TGM2: variants seen among roughly 807,000 people sequenced by gnomAD.
TGM2 encodes transglutaminase 2.
Under a neutral mutation model 75.6 loss-of-function variants are expected in TGM2, and 53 were observed. That is an observed-to-expected ratio of 0.70 (90% confidence interval 0.56 to 0.88). TGM2 has a LOEUF of 0.88. Among genes scored for constraint, TGM2 ranks in the 40% least tolerant of loss-of-function variants. The pLI is 0.00. For synonymous variants in TGM2, 374 were observed against 381.1 expected (o/e 0.98, Z 0.22); for missense variants, 842 against 928.5 (o/e 0.91, Z 1.21).
chr20:38,153,207 G>A (rs2075135550), intron 3 of TGM2, among the ~76,000 whole-genome samples: 1 of 152,172 alleles, frequency 6.6e-6, no homozygotes, highest in Admixed American at 6.5e-5. Flanking sequence ...GCAAGAAACA[G>A]GACACTCAAC....
chr20:38,139,672 G>A lies in TGM2; in HGVS notation c.1100-18C>T. 1 of 1,613,912 alleles carries A rather than the reference G, an allele frequency of 6.2e-7. No individual in the cohort carries two copies. The highest frequency in any genetic ancestry group is 8.5e-7 in the Non-Finnish European group (1 of 1,179,964). On this transcript the variant is annotated intron_variant, in intron 8 of 12. Coordinates refer to ENST00000361475, the MANE Select transcript of TGM2 (RefSeq NM_004613.4). The stretch of plus-strand genomic sequence containing the variant: ...GTACGTCCCTGGCAGAGGTAGAAAG[G>A]GGAAGGGATGGGCCTGGGTGAAGGT...
In TGM2 at chr20:38,139,587, A is replaced by G. The variant is rs377055359; in HGVS notation, c.1167T>C (p.Asp389=). 9 of 1,614,190 alleles carry G rather than the reference A, an allele frequency of 5.6e-6. No homozygotes were observed. The highest frequency in any genetic ancestry group is 2.2e-5 in the East Asian group (1 of 44,888). Residue 389 remains aspartate (D), a synonymous_variant, in exon 9 of 13, where the codon GAT becomes GAC. Transcript: ENST00000361475. The part of the protein sequence containing the change: ...IKEGDLSTKY[D]APFVFAEVNA... ...TGACCTCCGCAAAGACAAAGGGCGC[A>G]TCGTACTTGGTGCTCAGGTCGCCCT...
intron 6 of TGM2, among the ~76,000 whole-genome samples, chr20:38,144,633 C>A (rs990410392): frequency 6.6e-6 from 1 of 152,158 alleles, no homozygotes; most frequent in Non-Finnish European, 1.5e-5. Context: ...TCACCATTGT[C>A]TCCATTTTAT....
intron 11 of TGM2, among the ~76,000 whole-genome samples, chr20:38,132,088 T>C (rs2074840719): frequency 6.6e-6 from 1 of 152,000 alleles, no homozygotes; most frequent in South Asian, 2.1e-4. Context: ...GAAGGATTCA[T>C]GACTCTAAGA....
At chr20:38,165,158 G>A (rs999226512) in intron 1 of TGM2, 31 bp downstream of exon 1, 26 of 1,613,292 alleles carry the variant, frequency 1.6e-5, no homozygotes, top group Non-Finnish European at 2.2e-5. Flanking sequence ...CGGGGCCCCT[G>A]AGTGGCGGCT....
At chr20:38,131,294 CT>C in intron 11 of TGM2, 65 bp from the exon 12 acceptor site, 10 of 1,607,728 alleles carry the variant, frequency 6.2e-6, no homozygotes, top group Non-Finnish European at 8.5e-6. Context: ...TCTGCATTCA[CT>C]GCAATTTGGC....
chr20:38,146,453 T>G (rs1163287665), intron 6 of TGM2: 1 of 551,396 alleles, frequency 1.8e-6, no homozygotes, highest in East Asian at 3.2e-5. Flanking sequence ...CCTGAGTTTT[T>G]GAGAACGTGG....
At chr20:38,149,882 T>C (rs2075097027) in intron 4 of TGM2, among the ~76,000 whole-genome samples, 1 of 152,092 alleles carries the variant, frequency 6.6e-6, no homozygotes, top group Admixed American at 6.5e-5. Context: ...GTTTTGCAAT[T>C]ATCATCATGA....
At chr20:38,131,349 A>ACCCCCCCCCC (rs111895659) in intron 11 of TGM2, 120 bp from the exon 12 acceptor site, 1 of 1,312,810 alleles carries the variant, frequency 7.6e-7, no homozygotes, top group Non-Finnish European at 1.0e-6. Context: ...TGCCACGATC[A>ACCCCCCCCCC]CCCCCCCTCC....
At chr20:38,132,790 C>T (rs2074852078) in intron 10 of TGM2, 1 of 517,326 alleles carries the variant, frequency 1.9e-6, no homozygotes, top group Non-Finnish European at 3.7e-6. Context: ...ACTCCACCTC[C>T]CAGGTCCTCG....
intron 1 of TGM2, among the ~76,000 whole-genome samples, chr20:38,162,691 T>C (rs2075268040): frequency 1.3e-5 from 2 of 152,210 alleles, no homozygotes; most frequent in South Asian, 2.1e-4. Context: ...AAAGAATTTT[T>C]GTTAATTTGT....
At chr20:38,167,285 A>T (rs928335390), upstream of TGM2, among the ~76,000 whole-genome samples, 10 of 151,956 alleles carry the variant, frequency 6.6e-5, no homozygotes, top group African/African-American at 2.2e-4. Context: ...TCTACCAGGT[A>T]TTTTTTCCTT....
chr20:38,143,471 G>A (rs888936868), intron 6 of TGM2, among the ~76,000 whole-genome samples: 1 of 152,176 alleles, frequency 6.6e-6, no homozygotes, highest in African/African-American at 2.4e-5. Flanking sequence ...ACCTGCCAAC[G>A]CCCTGTTTGC....
Position 38,141,359 on chromosome 20 carries a change from C to T in TGM2, c.1022G>A (p.Trp341Ter), listed in dbSNP as rs773825655. Residue 341 changes from tryptophan to a stop codon, truncating the protein, a stop_gained, in exon 8 of 13, where the codon TGG becomes TAG. Coordinates refer to ENST00000361475, the MANE Select transcript of TGM2 (RefSeq NM_004613.4). LOFTEE classifies it high-confidence loss of function. ...CGGCTGCAGGTCCGGCCTGGTCATC[C>T]ACGACTCCACCCAGCAGTGGAAGTT... Reference protein sequence around the residue: ...IWNFHCWVESWMTRPDLQPGY... With the variant: ...IWNFHCWVES The T allele has an allele frequency of 6.3e-7, 1 of 1,587,342 alleles. No homozygotes were observed. Among genetic ancestry groups the T allele is most frequent in the Admixed American group, 1.8e-5 (1 of 56,096 alleles).
rs377170051 is a variant in TGM2 at position 38,131,100 on chromosome 20, C to T, written c.1906G>A (p.Val636Met). 7.4e-6 allele frequency: 12 copies of T among 1,612,370 alleles called. No individual in the cohort carries two copies. In the African/African-American group the frequency reaches 1.1e-4, roughly 14 times the overall value. Residue 636 changes from valine to methionine, a missense_variant, in exon 12 of 13, where the codon GTG becomes ATG. By Grantham distance (21) the Val-to-Met change is conservative (BLOSUM62 1). Coordinates refer to ENST00000361475, the MANE Select transcript of TGM2 (RefSeq NM_004613.4). ...AGAGCAGCCAGCACTTACATCTCCA[C>T]CGTCTTCTGCTCCTCAGTCAGGCCG... ...GAGLTEEQKT[V>M]EIPDPVEAGE... is the part of the protein sequence containing the mutation.
chr20:38,146,692 A>G (rs764919239), intron 6 of TGM2, 25 bp downstream of exon 6: 1 of 1,612,612 alleles, frequency 6.2e-7, no homozygotes, highest in Non-Finnish European at 8.5e-7. Context: ...AGGGCTCATG[A>G]CCCACATCCC....
At chr20:38,140,363 A>G (rs2074956584) in intron 8 of TGM2, among the ~76,000 whole-genome samples, 1 of 152,240 alleles carries the variant, frequency 6.6e-6, no homozygotes, top group East Asian at 1.9e-4. Context: ...CCAATGCTTT[A>G]TCCAGAAGTG....
At position 38,161,560 on chromosome 20, in the gene TGM2, T is replaced by C. The variant is rs1248506223; in HGVS notation, c.50A>G (p.Asn17Ser). 13 of 1,614,164 alleles carry C rather than the reference T, an allele frequency of 8.1e-6. No individual in the cohort carries two copies. Among genetic ancestry groups the C allele is most frequent in the Non-Finnish European group, 1.1e-5 (13 of 1,180,024 alleles). Residue 17 changes from asparagine (N) to serine (S), a missense_variant, in exon 2 of 13, where the codon AAT (asparagine) becomes AGT (serine). Physicochemically the swap from Asn to Ser is conservative, Grantham distance 46. Coordinates refer to ENST00000361475, the MANE Select transcript of TGM2 (RefSeq NM_004613.4). ...LERCDLELET[N>S]GRDHHTADLC... ...GTCGGCCGTGTGGTGGTCTCGGCCATTGGTCTCCAGCTCCAGATCACACCT... is the reference window on the plus strand; with the variant it reads ...GTCGGCCGTGTGGTGGTCTCGGCCACTGGTCTCCAGCTCCAGATCACACCT...
intron 10 of TGM2, chr20:38,132,781 C>A: frequency 1.9e-6 from 1 of 531,070 alleles, no homozygotes; most frequent in Non-Finnish European, 3.6e-6. Context: ...GCGTGAGCCA[C>A]TCCACCTCCC....
Sources: allele counts gnomAD v4.1 joint callset (sites outside exome capture counted in the v4.1 genomes callset), GRCh38; gene constraint gnomAD v4.1.1; transcripts MANE v1.5; gene names NCBI Gene and HGNC (gene_info 2026-07-23, HGNC 2026-07-21).